Variants in DSE observed in about 807,000 individuals in gnomAD.
The protein encoded by DSE is dermatan-sulfate epimerase.
A neutral mutation model predicts 84.4 loss-of-function variants in DSE; 36 were observed. The observed-to-expected ratio is 0.43, with a 90% CI of 0.33 to 0.56. The LOEUF (loss-of-function observed/expected upper bound fraction) is 0.56. Ranked by LOEUF, DSE falls within the 20% of genes least tolerant of loss-of-function variation. The pLI is 0.06. For synonymous variants in DSE, 410 were observed against 430.1 expected (o/e 0.95, Z 0.58); for missense variants, 862 against 1,169.6 (o/e 0.74, Z 3.84).
intron 1 of DSE, among the ~76,000 whole-genome samples, chr6:116,372,982 A>T (rs929534540): frequency 6.6e-6 from 1 of 152,150 alleles, no homozygotes; most frequent in East Asian, 1.9e-4. Flanking sequence ...TTAGTTAAAT[A>T]AAAACACTGG....
chr6:116,273,608 CCT>C (rs1369564676), intron 2 of DSE, among the ~76,000 whole-genome samples: 1 of 152,096 alleles, frequency 6.6e-6, no homozygotes, highest in Non-Finnish European at 1.5e-5. Flanking sequence ...CCAGGCTGGT[CCT>C]CTCTGAGTTT....
chr6:116,341,126 TC>T (rs930655302), intron 2 of DSE, among the ~76,000 whole-genome samples: 2 of 152,226 alleles, frequency 1.3e-5, no homozygotes, highest in Non-Finnish European at 2.9e-5. Context: ...TTCGTGTTTC[TC>T]CACATCCTCT....
intron 2 of DSE, among the ~76,000 whole-genome samples, chr6:116,293,712 G>A (rs1162665119): frequency 6.6e-6 from 1 of 152,004 alleles, no homozygotes; most frequent in East Asian, 1.9e-4. Context: ...GATCAGCCTA[G>A]GAAACATAGC....
intron 2 of DSE, among the ~76,000 whole-genome samples, chr6:116,274,044 G>T (rs1007518701): frequency 2.1e-4 from 32 of 151,264 alleles, no homozygotes; most frequent in Admixed American, 2.1e-3. Flanking sequence ...TGGCCAGGCT[G>T]GTCTCGAACT....
intron 1 of DSE, among the ~76,000 whole-genome samples, chr6:116,386,466 A>G (rs1033478501): frequency 6.6e-6 from 1 of 152,258 alleles, no homozygotes; most frequent in Non-Finnish European, 1.5e-5. Context: ...CACATGGGGC[A>G]AAGCCCAGGA....
chr6:116,343,513 T>G (rs1777751255), intron 2 of DSE, among the ~76,000 whole-genome samples: 1 of 152,196 alleles, frequency 6.6e-6, no homozygotes, highest in Non-Finnish European at 1.5e-5. Flanking sequence ...CAGCATCCAC[T>G]GGTGATACCC....
Position 116,304,675 on chromosome 6 carries a change from G to A in DSE, c.-54+45708G>A, listed in dbSNP as rs191615136. On this transcript the variant is annotated intron_variant, in intron 2 of 3. Transcript: ENST00000430252. ...AAGCACTGTGTGCTTCTGGTGCCCT[G>A]TTAATTCTTGTTTGACTGATTCCCA... is the stretch of plus-strand genomic sequence containing the variant. 5.9e-3 allele frequency among the ~76,000 whole-genome samples: 898 copies of A among 152,288 alleles called. 9 individuals are homozygous for A. Among genetic ancestry groups the A allele is most frequent in the African/African-American group, 0.02 (840 of 41,552 alleles).
intron 2 of DSE, among the ~76,000 whole-genome samples, chr6:116,422,774 G>A (rs1583213787): frequency 6.6e-6 from 1 of 152,166 alleles, no homozygotes; most frequent in Non-Finnish European, 1.5e-5. Flanking sequence ...TCTTGCTAAG[G>A]TTACAGCAGT....
At chr6:116,281,722 T>A (rs1279121191) in intron 2 of DSE, among the ~76,000 whole-genome samples, 1 of 152,228 alleles carries the variant, frequency 6.6e-6, no homozygotes, top group Non-Finnish European at 1.5e-5. Context: ...CCTTACACAG[T>A]ATCCCATAGA....
intron 2 of DSE, among the ~76,000 whole-genome samples, chr6:116,356,862 C>A (rs541531609): frequency 6.6e-6 from 1 of 152,254 alleles, no homozygotes; most frequent in South Asian, 2.1e-4. Context: ...CACTCATAGC[C>A]CCTGCTGTAG....
chr6:116,418,726 A>G (rs1221276434), intron 2 of DSE, among the ~76,000 whole-genome samples: 9 of 152,304 alleles, frequency 5.9e-5, no homozygotes, highest in African/African-American at 2.2e-4. Flanking sequence ...AAACTTGGTG[A>G]CATTCTTTGA....
chr6:116,370,871 G>A, upstream of DSE: 1 of 985,718 alleles, frequency 1.0e-6, no homozygotes. Context: ...CCCCTCCAGC[G>A]GAGCCTCAGC....
intron 2 of DSE, among the ~76,000 whole-genome samples, chr6:116,270,080 A>G (rs1353668027): frequency 6.6e-6 from 1 of 152,194 alleles, no homozygotes; most frequent in Non-Finnish European, 1.5e-5. Context: ...TTCTGGGAAA[A>G]GAAAACAATT....
chr6:116,362,755 C>T (rs1778974896), intron 2 of DSE, among the ~76,000 whole-genome samples: 1 of 152,186 alleles, frequency 6.6e-6, no homozygotes, highest in African/African-American at 2.4e-5. Context: ...CACCTCTAGC[C>T]TAGGCCACAT....
At chr6:116,421,014 G>C (rs1345873196) in intron 2 of DSE, among the ~76,000 whole-genome samples, 3 of 152,156 alleles carry the variant, frequency 2.0e-5, no homozygotes, top group Non-Finnish European at 4.4e-5. Context: ...GGATTAATGA[G>C]ACTGCTCAAC....
At chr6:116,325,974 A>G (rs1424676709) in intron 2 of DSE, among the ~76,000 whole-genome samples, 3 of 152,200 alleles carry the variant, frequency 2.0e-5, no homozygotes, top group African/African-American at 7.2e-5. Context: ...TGCACGCACC[A>G]GTAATTAGAT....
At chr6:116,389,528 G>C (rs1023576973) in intron 1 of DSE, among the ~76,000 whole-genome samples, 1 of 152,192 alleles carries the variant, frequency 6.6e-6, no homozygotes, top group East Asian at 1.9e-4. Flanking sequence ...ACAAACAACT[G>C]TGACCCCATG....
chr6:116,362,026 A>G (rs1233454373), intron 2 of DSE, among the ~76,000 whole-genome samples: 1 of 152,204 alleles, frequency 6.6e-6, no homozygotes, highest in Non-Finnish European at 1.5e-5. Context: ...TTTAGACTGT[A>G]AAGACCCTCA....
At chr6:116,279,489 C>T (rs1316734279) in intron 2 of DSE, 1 of 1,611,716 alleles carries the variant, frequency 6.2e-7, no homozygotes, top group African/African-American at 1.3e-5. Context: ...CGGCTGCCAT[C>T]ACCACAGAAG....
Sources: gnomAD v4.1 joint callset for allele counts (sites outside exome capture counted in the v4.1 genomes callset) on GRCh38, gnomAD v4.1.1 for gene constraint, MANE v1.5 for transcripts, NCBI Gene and HGNC (gene_info 2026-07-23, HGNC 2026-07-21) for gene names.